PTPRT: variants seen among roughly 807,000 people sequenced by gnomAD.
PTPRT encodes protein tyrosine phosphatase receptor type T.
In PTPRT, 56 loss-of-function variants were observed where a neutral mutation model predicts 176.8. That is an observed-to-expected ratio of 0.32 (90% confidence interval 0.26 to 0.40). The LOEUF (loss-of-function observed/expected upper bound fraction) is 0.40, where lower values mean the gene tolerates loss of function less well. PTPRT is among the 10% of genes least tolerant of loss of function. PTPRT has a pLI of 1.00. For synonymous variants in PTPRT, 783 were observed against 739.0 expected, an observed-to-expected ratio of 1.06 and a Z score of -0.96; for missense variants, 1,540 against 1,908.2, an observed-to-expected ratio of 0.81 and a Z score of 3.60.
At chr20:42,128,910 A>T in intron 18 of PTPRT, 80 bp from the exon 19 acceptor site, 1 of 1,183,350 alleles carries the variant, frequency 8.5e-7, no homozygotes, top group Non-Finnish European at 1.2e-6. Flanking sequence ...ACTACTGTTT[A>T]TTAATGACTG....
chr20:42,471,397 G>A (rs558824026), intron 8 of PTPRT, among the ~76,000 whole-genome samples: 77 of 152,194 alleles, frequency 5.1e-4, no homozygotes, highest in African/African-American at 1.7e-3. Context: ...TGCTGTCTTC[G>A]CGACAGTGAG....
chr20:42,385,660 CA>C (rs2058737606), intron 9 of PTPRT, among the ~76,000 whole-genome samples: 1 of 152,216 alleles, frequency 6.6e-6, no homozygotes, highest in African/African-American at 2.4e-5. Context: ...CACAGTTCCA[CA>C]TGGCTGAGGA....
chr20:42,914,194 TC>T (rs1203667496), intron 1 of PTPRT, among the ~76,000 whole-genome samples: 4 of 152,218 alleles, frequency 2.6e-5, no homozygotes, highest in African/African-American at 7.2e-5. Context: ...CCCTAGGTGA[TC>T]CTCTTCAATC....
At chr20:42,882,519 G>A (rs2079025247) in intron 2 of PTPRT, among the ~76,000 whole-genome samples, 1 of 152,146 alleles carries the variant, frequency 6.6e-6, no homozygotes, top group African/African-American at 2.4e-5. Context: ...CCGTAAAATG[G>A]GAAGGATAGT....
intron 19 of PTPRT, among the ~76,000 whole-genome samples, chr20:42,123,649 C>T (rs1389696495): frequency 1.3e-5 from 2 of 152,192 alleles, no homozygotes; most frequent in Non-Finnish European, 2.9e-5. Flanking sequence ...CATCCACTGG[C>T]TCTTGCTCTT....
intron 17 of PTPRT, 113 bp downstream of exon 17, chr20:42,161,239 C>G: frequency 8.2e-7 from 1 of 1,225,310 alleles, no homozygotes; most frequent in South Asian, 1.3e-5. Context: ...CTACACGCTC[C>G]CAGGTGATAC....
intron 17 of PTPRT, among the ~76,000 whole-genome samples, chr20:42,148,083 C>T (rs184192100): frequency 5.3e-5 from 8 of 152,048 alleles, no homozygotes; most frequent in African/African-American, 1.9e-4. Flanking sequence ...AGTCATTAGG[C>T]GCTAATCACA....
At chr20:43,006,533 G>A (rs971817638) in intron 1 of PTPRT, among the ~76,000 whole-genome samples, 3 of 152,194 alleles carry the variant, frequency 2.0e-5, no homozygotes, top group Admixed American at 6.5e-5. Context: ...TGTGTTTCAC[G>A]ATCAGCTTCC....
chr20:43,061,975 G>T (rs559483952), intron 1 of PTPRT, among the ~76,000 whole-genome samples: 7 of 152,180 alleles, frequency 4.6e-5, no homozygotes, highest in Non-Finnish European at 1.0e-4. Flanking sequence ...AAAACATTAC[G>T]CTGAGCAAAA....
At chr20:42,842,568 C>T (rs1056314563) in intron 2 of PTPRT, among the ~76,000 whole-genome samples, 21 of 152,006 alleles carry the variant, frequency 1.4e-4, no homozygotes, top group Non-Finnish European at 5.9e-5. Context: ...TACAGAAGTG[C>T]ACCACCATGC....
chr20:42,988,358 G>A (rs148172298), intron 1 of PTPRT, among the ~76,000 whole-genome samples: 26 of 152,238 alleles, frequency 1.7e-4, no homozygotes, highest in African/African-American at 2.4e-4. Flanking sequence ...TATGCAGTCC[G>A]TGCTTGTCTT....
intron 9 of PTPRT, among the ~76,000 whole-genome samples, chr20:42,396,118 C>G (rs188438397): frequency 1.3e-5 from 2 of 152,274 alleles, no homozygotes; most frequent in African/African-American, 4.8e-5. Context: ...GATGCCAAAC[C>G]TAAATCCCAA....
intron 2 of PTPRT, among the ~76,000 whole-genome samples, chr20:42,795,483 A>G (rs1456011856): frequency 1.3e-5 from 2 of 152,234 alleles, no homozygotes; most frequent in Non-Finnish European, 2.9e-5. Context: ...CAGTAAAAAG[A>G]AAGTCCTAAT....
intron 1 of PTPRT, among the ~76,000 whole-genome samples, chr20:43,153,782 C>T (rs1378460395): frequency 6.6e-6 from 1 of 152,190 alleles, no homozygotes; most frequent in Non-Finnish European, 1.5e-5. Context: ...AATGTAACTG[C>T]AGTGGGATTG....
chr20:42,441,191 G>C (rs932836248), intron 9 of PTPRT, among the ~76,000 whole-genome samples: 1 of 152,194 alleles, frequency 6.6e-6, no homozygotes, highest in African/African-American at 2.4e-5. Context: ...AACAAGTGCA[G>C]ATTGTGGAAA....
chr20:42,838,027 T>G (rs2145716275), intron 2 of PTPRT, among the ~76,000 whole-genome samples: 1 of 152,172 alleles, frequency 6.6e-6, no homozygotes, highest in East Asian at 1.9e-4. Flanking sequence ...GTAAACTGTT[T>G]TGTTTGTTTG....
chr20:42,196,366 A>G (rs186765097), intron 16 of PTPRT, among the ~76,000 whole-genome samples: 51 of 152,304 alleles, frequency 3.3e-4, no homozygotes, highest in African/African-American at 1.2e-3. Flanking sequence ...GACACTAATT[A>G]TATACATATT....
rs528069893 is a variant in PTPRT, at chr20:42,334,122, T to G, written c.1865+16506A>C. ...AGATCAAGAACCTGTGAATCATACA[T>G]TTTTTTAAAAAAAAGTCTATTAAGA... is the stretch of plus-strand genomic sequence containing the variant. On this transcript the variant is annotated intron_variant, in intron 11 of 30. Coordinates refer to ENST00000373187, the MANE Select transcript of PTPRT (RefSeq NM_007050.6). Among the ~76,000 whole-genome samples, 4 of 151,802 alleles carry G rather than the reference T, an allele frequency of 2.6e-5. No homozygotes were observed. The South Asian group carries it at 8.3e-4, about 31-fold the overall frequency.
chr20:42,776,144 A>G lies in PTPRT; in HGVS notation c.568+4074T>C, dbSNP rs541829395. Among the ~76,000 whole-genome samples, 4 of 152,200 alleles carry G rather than the reference A, an allele frequency of 2.6e-5. No individual in the cohort carries two copies. In the South Asian group the frequency reaches 6.2e-4, roughly 24 times the overall value. ...TCTCCGATGCCTGACTCTTAATCCA[A>G]TTTATCAAATGAGACCAGTTGGCTC... On this transcript the variant is annotated intron_variant, in intron 4 of 30. Transcript: ENST00000373187.
Sources: allele counts gnomAD v4.1 joint callset (sites outside exome capture counted in the v4.1 genomes callset), GRCh38; gene constraint gnomAD v4.1.1; transcripts MANE v1.5; gene names NCBI Gene and HGNC (gene_info 2026-07-23, HGNC 2026-07-21).